Variants in CPLANE1 observed in about 807,000 individuals in gnomAD.
CPLANE1 encodes ciliogenesis and planar polarity effector complex subunit 1.
Under a neutral mutation model 362.5 loss-of-function variants are expected in CPLANE1, and 263 were observed. That is an observed-to-expected ratio of 0.73 (90% CI 0.66 to 0.80). The LOEUF (loss-of-function observed/expected upper bound fraction) is 0.80. CPLANE1 is among the 30% of genes least tolerant of loss of function. The pLI is 0.00. For missense variants in CPLANE1, 3,461 were observed against 3,793.4 expected (o/e 0.91, Z 2.30); for synonymous variants, 1,212 against 1,302.6 (o/e 0.93, Z 1.50).
At chr5:37,136,884 G>A (rs566965476) in intron 46 of CPLANE1, among the ~76,000 whole-genome samples, 2 of 152,294 alleles carry the variant, frequency 1.3e-5, no homozygotes, top group African/African-American at 4.8e-5. Flanking sequence ...CAGCAAGGAG[G>A]GCCTGGGCCT....
At chr5:37,140,017 G>T (rs1769184006) in intron 44 of CPLANE1, 1 of 944,834 alleles carries the variant, frequency 1.1e-6, no homozygotes, top group Admixed American at 6.2e-5. Context: ...ATATATTTTA[G>T]AAAATATCTT....
In CPLANE1 at chr5:37,169,018, T is replaced by G. The variant is rs1779042668; in HGVS notation, c.7006A>C (p.Ile2336Leu). 6.2e-7 allele frequency: 1 copy of G among 1,614,010 alleles called. No individual in the cohort carries two copies. The highest frequency in any genetic ancestry group is 1.1e-5 in the South Asian group (1 of 91,080). Residue 2336 changes from isoleucine (I) to leucine (L), a missense_variant, in exon 34 of 53, where the codon ATA becomes CTA. Physicochemically the swap from Ile to Leu is conservative, Grantham distance 5. Coordinates refer to ENST00000651892, the MANE Select transcript of CPLANE1 (RefSeq NM_001384732.1). ...LTPQQDSSVF[I>L]KPEKLFDVKP... ...ACATCAAATAGTTTTTCTGGTTTTA[T>G]AAACACTGAAGAGTCCTGTTGAGGT...
intron 44 of CPLANE1, 150 bp downstream of exon 44, chr5:37,142,160 C>A (rs767191135): frequency 7.9e-7 from 1 of 1,259,284 alleles, no homozygotes; most frequent in Non-Finnish European, 1.0e-6. Flanking sequence ...CTTCATGTGA[C>A]TAGCAAAAGT....
intron 1 of CPLANE1, 122 bp downstream of exon 1, chr5:37,249,123 G>T (rs1740877019): frequency 6.5e-6 from 1 of 153,026 alleles, no homozygotes; most frequent in Non-Finnish European, 1.5e-5. Flanking sequence ...AGACGGCCCG[G>T]GAGGCGGAAG....
chr5:37,180,039 ATCCATT>A lies in CPLANE1; in HGVS notation c.5709_5714del (p.Glu1903_Met1904del). 1 of 1,569,862 alleles carries A rather than the reference ATCCATT, an allele frequency of 6.4e-7. No homozygotes were observed. On this transcript the variant is annotated inframe_deletion, in exon 28 of 53. Coordinates refer to ENST00000651892, the MANE Select transcript of CPLANE1 (RefSeq NM_001384732.1). ...GACCTTCATAGTCTGATATGTGCAT[ATCCATT>A]TCCTCTTCTGTAAATGCTTCTACTT...
At chr5:37,101,838 T>A (rs1185737981), downstream of CPLANE1, among the ~76,000 whole-genome samples, 2 of 152,220 alleles carry the variant, frequency 1.3e-5, no homozygotes, top group Non-Finnish European at 2.9e-5. Flanking sequence ...GGAGGGTGTA[T>A]ATGTCCAGGA....
rs1229944099 is a variant in CPLANE1, at chr5:37,239,870, C to A, written c.678-1G>T. The A allele has an allele frequency of 2.8e-6, 4 of 1,450,858 alleles. No individual in the cohort carries two copies. The highest frequency in any genetic ancestry group is 1.5e-5 in the South Asian group (1 of 66,340). 89.9% of individuals were successfully genotyped at this position (1,450,858 alleles called of 1,614,324 possible). A position where few individuals can be genotyped will look rare whatever the true frequency, so the allele number is the denominator to read the frequency against. On this transcript the variant is annotated splice_acceptor_variant, in intron 6 of 52. Coordinates refer to ENST00000651892, the MANE Select transcript of CPLANE1 (RefSeq NM_001384732.1). LOFTEE classifies it high-confidence loss of function. ...CCAATGAACATGGTATGGCAATGAT[C>A]TAAAAAAGTAATGAAATAATTGAAA...
At chr5:37,225,523 G>A (rs916946267) in intron 12 of CPLANE1, among the ~76,000 whole-genome samples, 7 of 152,056 alleles carry the variant, frequency 4.6e-5, no homozygotes, top group African/African-American at 9.7e-5. Context: ...GAGCCACTGC[G>A]CCCAGCCTAA....
In CPLANE1 at chr5:37,165,658, CTCT is replaced by C. The variant is rs764342342; in HGVS notation, c.7411_7413del (p.Arg2471del). On this transcript the variant is annotated inframe_deletion, in exon 36 of 53. Coordinates refer to ENST00000651892, the MANE Select transcript of CPLANE1 (RefSeq NM_001384732.1). ...CTTTTTTCTTGCAGCTCTTTCTCAG[CTCT>C]TCTTCTTTGCCTGTTAAACATAATA... The C allele has an allele frequency of 5.6e-6, 9 of 1,606,862 alleles. No homozygotes were observed. In the South Asian group the frequency reaches 6.7e-5, roughly 12 times the overall value.
chr5:37,210,132 T>A, intron 16 of CPLANE1: 2 of 942,334 alleles, frequency 2.1e-6, no homozygotes, highest in Non-Finnish European at 3.5e-6. Flanking sequence ...TCAAGCAAAA[T>A]CTGAAGCCCT....
intron 16 of CPLANE1, among the ~76,000 whole-genome samples, chr5:37,213,007 G>A (rs575249231): frequency 2.6e-5 from 4 of 152,280 alleles, no homozygotes; most frequent in South Asian, 4.1e-4. Context: ...TCAGGAGTTC[G>A]AGACCAGCCT....
chr5:37,218,501 T>A (rs1165095613), intron 15 of CPLANE1, among the ~76,000 whole-genome samples: 1 of 152,172 alleles, frequency 6.6e-6, no homozygotes, highest in Non-Finnish European at 1.5e-5. Flanking sequence ...ATTTTGCTGT[T>A]TTCTTTCACT....
intron 6 of CPLANE1, 87 bp downstream of exon 6, chr5:37,242,926 C>T (rs1044306680): frequency 3.8e-6 from 3 of 796,352 alleles, no homozygotes; most frequent in Admixed American, 3.1e-5. Flanking sequence ...TGTGCCACTA[C>T]CCCCCAGTCT....
chr5:37,087,779 T>C, the CPLANE1 span, among the ~76,000 whole-genome samples: 2 of 152,092 alleles, frequency 1.3e-5, no homozygotes, highest in African/African-American at 2.4e-5. Context: ...TTTAACCTTA[T>C]AAAGAGCCAA....
chr5:37,160,034 A>G (rs1363132940), intron 38 of CPLANE1, among the ~76,000 whole-genome samples: 1 of 152,222 alleles, frequency 6.6e-6, no homozygotes, highest in Non-Finnish European at 1.5e-5. Context: ...AGATAATTAG[A>G]TATTATGCAT....
At chr5:37,157,932 CAAAAAAAA>C in intron 39 of CPLANE1, 64 bp from the exon 40 acceptor site, 31 of 67,358 alleles carry the variant, frequency 4.6e-4, no homozygotes, top group Non-Finnish European at 6.3e-4. Context: ...GTCACTCCGC[CAAAAAAAA>C]AAAAAAAAAA....
intron 35 of CPLANE1, among the ~76,000 whole-genome samples, chr5:37,166,375 A>G (rs1480008195): frequency 6.6e-6 from 1 of 152,172 alleles, no homozygotes; most frequent in East Asian, 1.9e-4. Flanking sequence ...GATTGGTTCA[A>G]AGTATTAGAT....
intron 31 of CPLANE1, among the ~76,000 whole-genome samples, chr5:37,174,561 T>C (rs973098334): frequency 6.6e-6 from 1 of 152,068 alleles, no homozygotes; most frequent in Non-Finnish European, 1.5e-5. Flanking sequence ...GCAAGGTGTT[T>C]AGGTTTTTTT....
At chr5:37,088,544 T>C in the CPLANE1 span, among the ~76,000 whole-genome samples, 11 of 152,118 alleles carry the variant, frequency 7.2e-5, no homozygotes, top group East Asian at 9.6e-4. Context: ...AGGGGAAACA[T>C]TGGGCAAATC....
Sources: gnomAD v4.1 joint callset for allele counts (sites outside exome capture counted in the v4.1 genomes callset) on GRCh38, gnomAD v4.1.1 for gene constraint, MANE v1.5 for transcripts, NCBI Gene and HGNC (gene_info 2026-07-23, HGNC 2026-07-21) for gene names.